The following EPB41L3 variants were observed in gnomAD, a reference collection of about 807,000 sequenced individuals.
The protein encoded by EPB41L3 is erythrocyte membrane protein band 4.1 like 3.
A neutral mutation model predicts 127.1 loss-of-function variants in EPB41L3; 57 were observed. The ratio of observed to expected loss-of-function variants is 0.45; its 90% CI spans 0.36 to 0.56. EPB41L3 has a LOEUF of 0.56. EPB41L3 is among the 20% of genes least tolerant of loss of function. The pLI, the probability that EPB41L3 is intolerant of heterozygous loss-of-function variation, is 0.00. For missense variants in EPB41L3, 1,273 were observed against 1,372.2 expected (o/e 0.93, Z 1.14); for synonymous variants, 572 against 549.5 (o/e 1.04, Z -0.57).
At chr18:5,424,473 G>T in intron 9 of EPB41L3, 114 bp from the exon 10 acceptor site, 1 of 734,994 alleles carries the variant, frequency 1.4e-6, no homozygotes, top group Non-Finnish European at 2.2e-6. Flanking sequence ...TTACTTACTA[G>T]ATCAATTGCT....
intron 3 of EPB41L3, among the ~76,000 whole-genome samples, chr18:5,468,976 G>A (rs940253266): frequency 6.6e-6 from 1 of 151,904 alleles, no homozygotes; most frequent in Non-Finnish European, 1.5e-5. Context: ...AACAAAAAGA[G>A]GAAAAAGAGC....
chr18:5,541,647 T>A (rs1485473803), intron 1 of EPB41L3, among the ~76,000 whole-genome samples: 1 of 152,186 alleles, frequency 6.6e-6, no homozygotes, highest in African/African-American at 2.4e-5. Context: ...TTAAAAAAAA[T>A]CCTGATCTTT....
chr18:5,464,511 C>T (rs11081199), intron 3 of EPB41L3, among the ~76,000 whole-genome samples: 49,329 of 152,030 alleles, frequency 0.32, 8,360 homozygotes, highest in East Asian at 0.47. Flanking sequence ...AAGAGAAAGT[C>T]CTCTATGACA....
chr18:5,516,652 T>C (rs548354703), intron 1 of EPB41L3, among the ~76,000 whole-genome samples: 10 of 152,336 alleles, frequency 6.6e-5, no homozygotes, highest in Admixed American at 1.3e-4. Flanking sequence ...GGAATGTAAA[T>C]TCATTGCAGG....
intron 3 of EPB41L3, among the ~76,000 whole-genome samples, chr18:5,472,025 C>A: frequency 6.6e-6 from 1 of 152,132 alleles, no homozygotes; most frequent in East Asian, 1.9e-4. Context: ...AGGACTCCTA[C>A]TGTTTATATT....
intron 16 of EPB41L3, among the ~76,000 whole-genome samples, chr18:5,402,164 G>A (rs549830859): frequency 2.1e-4 from 31 of 149,560 alleles, no homozygotes; most frequent in African/African-American, 6.6e-4. Context: ...ATTTTCAGAG[G>A]AGGAAAAAAA....
At chr18:5,565,742 G>A (rs1484517310) in intron 3 of EPB41L3, among the ~76,000 whole-genome samples, 1 of 151,240 alleles carries the variant, frequency 6.6e-6, no homozygotes, top group Non-Finnish European at 1.5e-5. Flanking sequence ...CCTTGCGATA[G>A]TTTGCTGAGA....
At chr18:5,491,499 C>T (rs2090590957) in intron 1 of EPB41L3, among the ~76,000 whole-genome samples, 2 of 152,222 alleles carry the variant, frequency 1.3e-5, no homozygotes, top group Non-Finnish European at 2.9e-5. Context: ...GCCAGCAGTA[C>T]ACAAGCTAAA....
chr18:5,409,026 T>G (rs77334149), intron 14 of EPB41L3, among the ~76,000 whole-genome samples: 2,939 of 152,334 alleles, frequency 0.019, 99 homozygotes, highest in African/African-American at 0.066. Context: ...CTCCCTCTTC[T>G]TATTTGCCAA....
At chr18:5,600,428 T>C (rs891894192) in intron 3 of EPB41L3, among the ~76,000 whole-genome samples, 1 of 152,186 alleles carries the variant, frequency 6.6e-6, no homozygotes, top group African/African-American at 2.4e-5. Context: ...ATAAATCACA[T>C]GAATGATCTG....
At chr18:5,591,086 TAAAG>T (rs982489967) in intron 3 of EPB41L3, among the ~76,000 whole-genome samples, 19 of 152,266 alleles carry the variant, frequency 1.2e-4, no homozygotes, top group African/African-American at 4.6e-4. Context: ...AAAGATGTCT[TAAAG>T]AGAGACAGAG....
At chr18:5,459,398 T>TA (rs996893504) in intron 3 of EPB41L3, among the ~76,000 whole-genome samples, 18 of 151,868 alleles carry the variant, frequency 1.2e-4, no homozygotes, top group Non-Finnish European at 2.4e-4. Context: ...TTGGTCTCTT[T>TA]TTTTTTTTGA....
At chr18:5,468,182 G>C (rs1368949406) in intron 3 of EPB41L3, among the ~76,000 whole-genome samples, 1 of 152,184 alleles carries the variant, frequency 6.6e-6, no homozygotes, top group Non-Finnish European at 1.5e-5. Context: ...AGGCTAAGGG[G>C]GACACTGAGG....
intron 1 of EPB41L3, chr18:5,540,362 G>C: frequency 1.0e-6 from 1 of 985,436 alleles, no homozygotes; most frequent in Middle Eastern, 5.2e-4. Context: ...TTCAACTTGA[G>C]AAAGGAGTCT....
At chr18:5,597,709 AG>A (rs996232863) in intron 3 of EPB41L3, among the ~76,000 whole-genome samples, 2 of 152,178 alleles carry the variant, frequency 1.3e-5, no homozygotes, top group African/African-American at 4.8e-5. Flanking sequence ...TCATTCTGGA[AG>A]GGAACAGCAG....
Position 5,415,915 on chromosome 18 carries a change from G to A in EPB41L3, c.1970C>T (p.Ser657Phe), listed in dbSNP as rs2076744608. The change falls in exon 13 of 23, where the codon TCC becomes TTC. Residue 657 changes from serine to phenylalanine, a missense_variant. By Grantham distance (155) the Ser-to-Phe change is radical. Around this residue, in one of 3 missense-constraint regions of EPB41L3, gnomAD observed 765 missense variants for 782.9 expected, o/e 0.98. Transcript: ENST00000341928. ...GCAGAGGCACAGAGCCAGAGGGAAGGAGAGAGTGAGAGCGTATGGCACTGA... is the reference window on the plus strand; with the variant it reads ...GCAGAGGCACAGAGCCAGAGGGAAGAAGAGAGTGAGAGCGTATGGCACTGA... ...SFSVPYALTL[S>F]FPLALCLCYL... The A allele has an allele frequency of 6.2e-7, 1 of 1,613,940 alleles. No individual in the cohort carries two copies. The highest frequency in any genetic ancestry group is 8.5e-7 in the Non-Finnish European group (1 of 1,180,036).
intron 13 of EPB41L3, among the ~76,000 whole-genome samples, chr18:5,415,451 T>C (rs966826962): frequency 6.6e-6 from 1 of 152,264 alleles, no homozygotes; most frequent in Non-Finnish European, 1.5e-5. Context: ...AAACTACTCA[T>C]CATCTGTCTT....
chr18:5,449,589 T>C (rs1438770673), intron 3 of EPB41L3, among the ~76,000 whole-genome samples: 1 of 152,234 alleles, frequency 6.6e-6, no homozygotes, highest in Non-Finnish European at 1.5e-5. Flanking sequence ...AGTTCTTCTT[T>C]ATGTGAATGA....
chr18:5,544,165 G>T (rs896185398), upstream of EPB41L3: 1 of 985,402 alleles, frequency 1.0e-6, no homozygotes, highest in Non-Finnish European at 1.2e-6. Flanking sequence ...GGGGGAGGGG[G>T]CCACCGCAGT....
Sources: allele counts gnomAD v4.1 joint callset (sites outside exome capture counted in the v4.1 genomes callset), GRCh38; gene constraint gnomAD v4.1.1; regional missense constraint gnomAD v4.1.1; transcripts MANE v1.5; gene names NCBI Gene and HGNC (gene_info 2026-07-23, HGNC 2026-07-21).